Variants in OR6N1 observed in about 807,000 individuals in gnomAD.
OR6N1 encodes olfactory receptor family 6 subfamily N member 1.
For missense variants in OR6N1, 394 were observed against 371.7 expected, an observed-to-expected ratio of 1.06 and a Z score of -0.49; for synonymous variants, 170 against 150.7, an observed-to-expected ratio of 1.13 and a Z score of -0.94.
At chr1:158,767,712 GCA>G (rs1241930116) in intron 1 of OR6N1, among the ~76,000 whole-genome samples, 1 of 152,080 alleles carries the variant, frequency 6.6e-6, no homozygotes, top group Non-Finnish European at 1.5e-5. Flanking sequence ...AAACAAAAAA[GCA>G]AGAGCCTTAA....
the OR6N1 span, among the ~76,000 whole-genome samples, chr1:158,830,495 A>G: frequency 6.6e-6 from 1 of 152,158 alleles, no homozygotes; most frequent in East Asian, 1.9e-4. Context: ...CATTTTGCTT[A>G]CAGATCAGCT....
chr1:158,785,232 C>T, the OR6N1 span, among the ~76,000 whole-genome samples: 27 of 152,108 alleles, frequency 1.8e-4, no homozygotes, highest in African/African-American at 6.0e-4. Context: ...ATACAAAACC[C>T]TTTTGTGCTT....
chr1:158,819,289 G>A, the OR6N1 span, among the ~76,000 whole-genome samples: 6 of 152,208 alleles, frequency 3.9e-5, no homozygotes, highest in African/African-American at 1.4e-4. Flanking sequence ...CCCTTCCCCA[G>A]GCCTGATTAG....
upstream of OR6N1, among the ~76,000 whole-genome samples, chr1:158,773,370 A>G (rs1180482160): frequency 6.6e-6 from 1 of 152,188 alleles, no homozygotes; most frequent in Non-Finnish European, 1.5e-5. Context: ...AAGGCAATTA[A>G]GAGTTAAATA....
the OR6N1 span, among the ~76,000 whole-genome samples, chr1:158,806,301 G>A: frequency 4.6e-5 from 7 of 152,294 alleles, no homozygotes; most frequent in South Asian, 1.4e-3. Flanking sequence ...GGACCCTTAG[G>A]TCAAAAGAAG....
chr1:158,777,364 G>GTT, the OR6N1 span: 86 of 1,614,098 alleles, frequency 5.3e-5, no homozygotes, highest in African/African-American at 1.1e-3. Context: ...AAAAGAAATG[G>GTT]TTTTCTTCTC....
At chr1:158,791,538 C>T in the OR6N1 span, among the ~76,000 whole-genome samples, 3 of 148,970 alleles carry the variant, frequency 2.0e-5, no homozygotes, top group Non-Finnish European at 4.4e-5. Flanking sequence ...GGCGCGATCT[C>T]AGCTCACTGC....
At chr1:158,833,047 T>G in the OR6N1 span, among the ~76,000 whole-genome samples, 11 of 152,284 alleles carry the variant, frequency 7.2e-5, no homozygotes, top group Middle Eastern at 3.4e-3. Flanking sequence ...TAGCAAACTC[T>G]CACATCTTCT....
upstream of OR6N1, chr1:158,775,895 T>G (rs533608822): frequency 6.6e-6 from 1 of 152,196 alleles, no homozygotes; most frequent in Non-Finnish European, 1.5e-5. Flanking sequence ...AATTTTGACA[T>G]GTTAAGTTTT....
the OR6N1 span, among the ~76,000 whole-genome samples, chr1:158,779,611 C>G: frequency 6.6e-6 from 1 of 152,294 alleles, no homozygotes; most frequent in South Asian, 2.1e-4. Context: ...AAAGACTCTT[C>G]TTGATTCTCT....
At chr1:158,776,445 A>C (rs972520356), upstream of OR6N1, 2 of 364,574 alleles carry the variant, frequency 5.5e-6, no homozygotes, top group African/African-American at 4.2e-5. Flanking sequence ...CCTAGGAAAT[A>C]TACATGCTTT....
Position 158,766,598 on chromosome 1 carries a change from G to C in OR6N1, c.85C>G (p.Leu29Val). 1 of 1,614,010 alleles carries C rather than the reference G, an allele frequency of 6.2e-7. No individual in the cohort carries two copies. The highest frequency in any genetic ancestry group is 8.5e-7 in the Non-Finnish European group (1 of 1,179,970). ...HLQGVQIYLF[L>V]LLLLIYLMTV... ...ATGAGGTAAATGAGAAGCAACAAGAGGAAGAGATAAATCTGGACACCCTGG... is the reference window on the plus strand; with the variant it reads ...ATGAGGTAAATGAGAAGCAACAAGACGAAGAGATAAATCTGGACACCCTGG... Residue 29 changes from leucine (L) to valine (V), a missense_variant, in exon 2 of 2, where the codon CTC becomes GTC. By Grantham distance (32) the Leu-to-Val change is conservative (BLOSUM62 1). Transcript: ENST00000641846.
chr1:158,824,902 A>G, the OR6N1 span, among the ~76,000 whole-genome samples: 1 of 152,188 alleles, frequency 6.6e-6, no homozygotes, highest in East Asian at 1.9e-4. Flanking sequence ...TGGACATAGG[A>G]CCTGAAAAAG....
the OR6N1 span, among the ~76,000 whole-genome samples, chr1:158,796,511 C>T: frequency 1.3e-5 from 2 of 152,158 alleles, no homozygotes; most frequent in African/African-American, 4.8e-5. Context: ...TTGAGAGCCT[C>T]TAAAGAATTT....
chr1:158,788,348 G>A, the OR6N1 span, among the ~76,000 whole-genome samples: 1 of 152,056 alleles, frequency 6.6e-6, no homozygotes. Flanking sequence ...GGGCAGTATT[G>A]CTGTTAATTT....
the OR6N1 span, among the ~76,000 whole-genome samples, chr1:158,777,854 T>C: frequency 1.6e-4 from 24 of 152,250 alleles, no homozygotes; most frequent in African/African-American, 5.5e-4. Context: ...TTGCATTCAA[T>C]ATTTACTTAA....
the OR6N1 span, among the ~76,000 whole-genome samples, chr1:158,782,113 C>G: frequency 6.6e-6 from 1 of 152,174 alleles, no homozygotes; most frequent in Non-Finnish European, 1.5e-5. Context: ...GTTTTAAAGT[C>G]TGTACTCTTA....
chr1:158,776,776 G>T (rs199979930), upstream of OR6N1: 100 of 1,613,876 alleles, frequency 6.2e-5, no homozygotes, highest in Middle Eastern at 1.8e-3. Flanking sequence ...GTAGATAATT[G>T]GATTGACCAT....
At chr1:158,820,273 C>A in the OR6N1 span, among the ~76,000 whole-genome samples, 1 of 152,204 alleles carries the variant, frequency 6.6e-6, no homozygotes, top group East Asian at 1.9e-4. Flanking sequence ...CCATCATGAG[C>A]ATGTCACAGT....
Sources: gnomAD v4.1 joint callset for allele counts (sites outside exome capture counted in the v4.1 genomes callset) on GRCh38, gnomAD v4.1.1 for gene constraint, MANE v1.5 for transcripts, NCBI Gene and HGNC (gene_info 2026-07-23, HGNC 2026-07-21) for gene names.